FGGY: variants seen among roughly 807,000 people sequenced by gnomAD.
FGGY encodes the protein FGGY carbohydrate kinase domain containing, also known as FGGY carbohydrate kinase domain-containing protein.
In FGGY, 72 loss-of-function variants were observed where a neutral mutation model predicts 71.3. That is an observed-to-expected ratio of 1.01 (90% CI 0.84 to 1.23). The LOEUF (loss-of-function observed/expected upper bound fraction) is 1.23. Ranked by LOEUF, FGGY falls within the 50% of genes most tolerant of loss-of-function variation. The pLI is 0.00. For synonymous variants in FGGY, 251 were observed against 250.3 expected (o/e 1.00, Z -0.02); for missense variants, 668 against 682.3 (o/e 0.98, Z 0.23).
intron 8 of FGGY, among the ~76,000 whole-genome samples, chr1:59,589,564 G>C (rs906036914): frequency 8.5e-5 from 13 of 152,146 alleles, no homozygotes; most frequent in Non-Finnish European, 1.5e-4. Flanking sequence ...AAATGTAAAA[G>C]AACAGAAATT....
In FGGY at chr1:59,491,812, T is replaced by C. The variant is rs76887949; in HGVS notation, c.671-20499T>C. Among the ~76,000 whole-genome samples, 758 of 152,246 alleles carry C rather than the reference T, an allele frequency of 5.0e-3. 6 individuals are homozygous for C. Among genetic ancestry groups the C allele is most frequent in the African/African-American group, 0.017 (713 of 41,564 alleles). On this transcript the variant is annotated intron_variant, in intron 6 of 15. Coordinates refer to ENST00000303721, the MANE Select transcript of FGGY (RefSeq NM_018291.5). ...ATACAGGAAATAGAGCCCAATAAGA[T>C]ATGAATATTTGAATTTGCTGATCCA...
intron 5 of FGGY, among the ~76,000 whole-genome samples, chr1:59,401,403 T>A (rs747327247): frequency 1.1e-4 from 17 of 152,204 alleles, no homozygotes; most frequent in South Asian, 2.1e-4. Flanking sequence ...CTTGATATGA[T>A]GGAGACCCTT....
chr1:59,749,742 C>T (rs934005705), intron 14 of FGGY, among the ~76,000 whole-genome samples: 20 of 152,202 alleles, frequency 1.3e-4, no homozygotes, highest in African/African-American at 4.1e-4. Context: ...TTGTGTTTTA[C>T]CTCAAATAAC....
intron 8 of FGGY, among the ~76,000 whole-genome samples, chr1:59,566,922 T>C (rs1050086235): frequency 6.6e-6 from 1 of 152,300 alleles, no homozygotes; most frequent in East Asian, 1.9e-4. Flanking sequence ...TACTAGTGTG[T>C]GGTCTTTATT....
intron 5 of FGGY, among the ~76,000 whole-genome samples, chr1:59,396,226 T>C (rs1199494006): frequency 6.6e-6 from 1 of 152,162 alleles, no homozygotes; most frequent in Non-Finnish European, 1.5e-5. Context: ...ACCCCTGATT[T>C]TTGCTTTTCT....
intron 11 of FGGY, among the ~76,000 whole-genome samples, chr1:59,638,599 TC>T (rs2153890191): frequency 6.6e-6 from 1 of 152,404 alleles, no homozygotes; most frequent in South Asian, 2.1e-4. Flanking sequence ...ATTTCCTAGT[TC>T]AGCTACTGCT....
intron 4 of FGGY, among the ~76,000 whole-genome samples, chr1:59,358,658 A>T (rs914162510): frequency 9.2e-5 from 14 of 152,204 alleles, no homozygotes; most frequent in Non-Finnish European, 1.8e-4. Flanking sequence ...TACTCAGCTT[A>T]CATTTTTGGA....
chr1:59,733,995 C>T (rs987436976), intron 14 of FGGY, among the ~76,000 whole-genome samples: 3 of 152,230 alleles, frequency 2.0e-5, no homozygotes, highest in South Asian at 2.1e-4. Context: ...GTGACAGTAG[C>T]TCTGGCTTCC....
chr1:59,565,215 CA>C (rs2095855489), intron 8 of FGGY, among the ~76,000 whole-genome samples: 1 of 151,966 alleles, frequency 6.6e-6, no homozygotes. Flanking sequence ...ATTATCTTAC[CA>C]ATTTATGGGG....
chr1:59,305,180 T>C (rs1055678330), intron 1 of FGGY, among the ~76,000 whole-genome samples: 1 of 152,328 alleles, frequency 6.6e-6, no homozygotes, highest in African/African-American at 2.4e-5. Flanking sequence ...TTGAGTATCA[T>C]ATTGGCTTTG....
rs531096267 is a variant in FGGY at position 59,338,324 on chromosome 1, G to A, written c.202-1634G>A. Among the ~76,000 whole-genome samples, 45 of 152,140 alleles carry A rather than the reference G, an allele frequency of 3.0e-4. 2 individuals carry two copies. Among genetic ancestry groups the A allele is most frequent in the African/African-American group, 7.5e-4 (31 of 41,526 alleles). ...TTTCTTATGTATTTGCTTGACTTTG[G>A]TATCAGGGTAATACTGGCTATGTAA... On this transcript the variant is annotated intron_variant, in intron 2 of 15. Transcript: ENST00000303721.
intron 7 of FGGY, among the ~76,000 whole-genome samples, chr1:59,538,710 T>C (rs2095382451): frequency 6.6e-6 from 1 of 151,740 alleles, no homozygotes; most frequent in African/African-American, 2.4e-5. Context: ...ATGGATGAAA[T>C]TGGAAATCAT....
intron 14 of FGGY, among the ~76,000 whole-genome samples, chr1:59,694,284 G>T (rs201884838): frequency 7.2e-6 from 1 of 138,980 alleles, no homozygotes; most frequent in African/African-American, 2.6e-5. Context: ...GCAAGACTCC[G>T]TCTTAAATAA....
At chr1:59,456,164 C>T (rs1321779947) in intron 5 of FGGY, among the ~76,000 whole-genome samples, 1 of 152,128 alleles carries the variant, frequency 6.6e-6, no homozygotes, top group African/African-American at 2.4e-5. Context: ...CCAATCTTGC[C>T]CTTAGCCACA....
chr1:59,373,263 A>C (rs539946563), intron 4 of FGGY, among the ~76,000 whole-genome samples: 1 of 152,100 alleles, frequency 6.6e-6, no homozygotes, highest in Non-Finnish European at 1.5e-5. Flanking sequence ...TTATACACCA[A>C]TAACAGACAA....
intron 5 of FGGY, among the ~76,000 whole-genome samples, chr1:59,419,195 C>T (rs942185829): frequency 2.6e-5 from 4 of 151,962 alleles, no homozygotes; most frequent in African/African-American, 7.2e-5. Flanking sequence ...GGCAAGAAGC[C>T]GTCAAATATT....
At position 59,717,192 on chromosome 1, in the gene FGGY, G is replaced by A. The variant is rs534172714; in HGVS notation, c.1513-40739G>A. Among the ~76,000 whole-genome samples the A allele has an allele frequency of 1.1e-4, 16 of 152,262 alleles. No homozygotes were observed. In the South Asian group the frequency reaches 3.3e-3, roughly 32 times the overall value. On this transcript the variant is annotated intron_variant, in intron 14 of 15. Coordinates refer to ENST00000303721, the MANE Select transcript of FGGY (RefSeq NM_018291.5). Reference sequence around the variant, plus strand: ...TATTCTGCTTACTTAGTTCAACAGTGCAGAGCTTTTGTGTTGTTACGTTCT... The same window carrying A: ...TATTCTGCTTACTTAGTTCAACAGTACAGAGCTTTTGTGTTGTTACGTTCT...
chr1:59,708,428 G>A (rs900887896), intron 14 of FGGY, among the ~76,000 whole-genome samples: 3 of 152,110 alleles, frequency 2.0e-5, no homozygotes, highest in African/African-American at 7.2e-5. Context: ...CTAGACCAGG[G>A]GAATACCAGG....
intron 11 of FGGY, among the ~76,000 whole-genome samples, chr1:59,640,018 T>C (rs2097004286): frequency 6.6e-6 from 1 of 152,234 alleles, no homozygotes; most frequent in Non-Finnish European, 1.5e-5. Flanking sequence ...TGAGAATAAG[T>C]ATGTATGCAC....
Sources: allele counts gnomAD v4.1 joint callset (sites outside exome capture counted in the v4.1 genomes callset), GRCh38; gene constraint gnomAD v4.1.1; transcripts MANE v1.5; gene names NCBI Gene and HGNC (gene_info 2026-07-23, HGNC 2026-07-21).